The following CDH4 variants were observed in gnomAD, a reference collection of about 807,000 sequenced individuals.
CDH4 encodes the protein cadherin 4.
CDH4 carries 33 observed loss-of-function variants against 86.0 expected under a neutral mutation model. The observed-to-expected ratio is 0.38, with a 90% CI of 0.29 to 0.51. The LOEUF is 0.51. Among genes scored for constraint, CDH4 ranks in the 20% least tolerant of loss-of-function variants. The pLI, the probability that CDH4 is intolerant of heterozygous loss-of-function variation, is 0.86. For synonymous variants in CDH4, 555 were observed against 549.4 expected (o/e 1.01, Z -0.14); for missense variants, 1,114 against 1,307.4 (o/e 0.85, Z 2.28).
intron 2 of CDH4, among the ~76,000 whole-genome samples, chr20:61,725,996 A>G (rs1455176579): frequency 6.6e-6 from 1 of 152,172 alleles, no homozygotes; most frequent in East Asian, 1.9e-4. Context: ...TATCAGCTCC[A>G]ACATCTTTCT....
rs1368420405 is a variant in CDH4 at position 61,510,967 on chromosome 20, C to T, written c.170-232596C>T. Among the ~76,000 whole-genome samples the T allele has an allele frequency of 1.3e-5, 2 of 151,802 alleles. No homozygotes were observed. The highest frequency in any genetic ancestry group is 2.4e-5 in the African/African-American group (1 of 41,312). ...TGAGAGAGAGAGAGAAAGTTGGGGG[C>T]GGCTGTCTCACACTTTTTAATAACC... On this transcript the variant is annotated intron_variant, in intron 2 of 15. Transcript: ENST00000614565. The surrounding 1 kb of genome is among the most constrained non-coding windows in gnomAD (Gnocchi z 4.2).
At chr20:61,822,904 C>T (rs961850062) in intron 4 of CDH4, among the ~76,000 whole-genome samples, 29 of 151,596 alleles carry the variant, frequency 1.9e-4, no homozygotes, top group African/African-American at 6.8e-4. Flanking sequence ...GTCGAAGATC[C>T]CAGGTAACCC....
At chr20:61,460,862 A>G (rs905758787) in intron 2 of CDH4, among the ~76,000 whole-genome samples, 1 of 152,012 alleles carries the variant, frequency 6.6e-6, no homozygotes, top group African/African-American at 2.4e-5. Context: ...CTGTTCTGTG[A>G]TTGTTGCTGT....
At chr20:61,780,565 G>A (rs575383408) in intron 4 of CDH4, among the ~76,000 whole-genome samples, 3 of 152,230 alleles carry the variant, frequency 2.0e-5, no homozygotes, top group Non-Finnish European at 4.4e-5. Context: ...TGGTCATTAG[G>A]AAGATTGTTA....
At chr20:61,336,587 T>G (rs1169984333) in intron 2 of CDH4, among the ~76,000 whole-genome samples, 2 of 152,202 alleles carry the variant, frequency 1.3e-5, no homozygotes. Flanking sequence ...CAAGCCTGTG[T>G]GCAGAGCAGG....
intron 9 of CDH4, among the ~76,000 whole-genome samples, chr20:61,912,221 A>C (rs1413804710): frequency 6.6e-6 from 1 of 152,188 alleles, no homozygotes; most frequent in African/African-American, 2.4e-5. Flanking sequence ...GTTTAGTCAC[A>C]TGGCCATTCT....
intron 2 of CDH4, among the ~76,000 whole-genome samples, chr20:61,346,933 C>G (rs1018810957): frequency 1.4e-4 from 21 of 152,044 alleles, no homozygotes; most frequent in Admixed American, 1.2e-3. Flanking sequence ...CCCACATTCC[C>G]AGGCAGTTCT....
chr20:61,370,040 C>T (rs2084831639), intron 2 of CDH4: 1 of 152,436 alleles, frequency 6.6e-6, no homozygotes, highest in African/African-American at 2.4e-5. Flanking sequence ...GGGAAGGTTT[C>T]TGAGCCATGC....
chr20:61,470,877 G>A (rs2085498217), intron 2 of CDH4, among the ~76,000 whole-genome samples: 3 of 152,146 alleles, frequency 2.0e-5, no homozygotes, highest in Admixed American at 6.5e-5. Context: ...CGCATCCCTG[G>A]GATAAATACC....
chr20:61,850,356 G>T (rs150219104), intron 5 of CDH4, among the ~76,000 whole-genome samples: 1 of 152,206 alleles, frequency 6.6e-6, no homozygotes, highest in South Asian at 2.1e-4. Context: ...GTTGGCTGCC[G>T]ATGTCACTGA....
intron 4 of CDH4, among the ~76,000 whole-genome samples, chr20:61,801,075 GC>G (rs1474908261): frequency 1.3e-5 from 2 of 152,308 alleles, no homozygotes; most frequent in East Asian, 3.9e-4. Context: ...TTCGGTGGGG[GC>G]TTGAGAAACC....
rs554275954 is a variant in CDH4 at position 61,403,890 on chromosome 20, C to T, written c.169+148953C>T. ...TACAGGGAGAAAATGTCTGGCAGGACGCTGTGTTTCAGGAAAAAGTCTGCA... is the reference window on the plus strand; with the variant it reads ...TACAGGGAGAAAATGTCTGGCAGGATGCTGTGTTTCAGGAAAAAGTCTGCA... On this transcript the variant is annotated intron_variant, in intron 2 of 15. Coordinates refer to ENST00000614565, the MANE Select transcript of CDH4 (RefSeq NM_001794.5). 1.8e-4 allele frequency among the ~76,000 whole-genome samples: 27 copies of T among 152,280 alleles called. No homozygotes were observed. In the South Asian group the frequency reaches 4.2e-3, roughly 23 times the overall value.
Position 61,269,982 on chromosome 20 carries a change from ATTT to A in CDH4, c.169+15048_169+15050del, listed in dbSNP as rs1361498404. Among the ~76,000 whole-genome samples the A allele has an allele frequency of 6.6e-6, 1 of 152,108 alleles. No individual in the cohort carries two copies. The highest frequency in any genetic ancestry group is 2.4e-5 in the African/African-American group (1 of 41,412). ...GGGCCGGCCGACCTTTGCGGCAGTC[ATTT>A]TTCCATCAGAAGGTGGCTTGATTTG... On this transcript the variant is annotated intron_variant, in intron 2 of 15. Coordinates refer to ENST00000614565, the MANE Select transcript of CDH4 (RefSeq NM_001794.5). The surrounding 1 kb of genome is among the most constrained non-coding windows in gnomAD (Gnocchi z 5.3).
chr20:61,721,914 A>G (rs2088046689), intron 2 of CDH4, among the ~76,000 whole-genome samples: 1 of 152,130 alleles, frequency 6.6e-6, no homozygotes, highest in Non-Finnish European at 1.5e-5. Context: ...TCCATGGCCC[A>G]CACTCTCCAT....
At position 61,408,705 on chromosome 20, in the gene CDH4, G is replaced by T. The variant is rs1437959220; in HGVS notation, c.169+153768G>T. On this transcript the variant is annotated intron_variant, in intron 2 of 15. Coordinates refer to ENST00000614565, the MANE Select transcript of CDH4 (RefSeq NM_001794.5). ...CACCTGTGTTTTAGAGCCCCTTCCT[G>T]GTTCCATTTCATTTTGCATACAACA... Among the ~76,000 whole-genome samples, 4 of 136,878 alleles carry T rather than the reference G, an allele frequency of 2.9e-5. No individual in the cohort carries two copies. The Admixed American group carries it at 3.0e-4, about 10-fold the overall frequency. 89.8% of individuals were successfully genotyped at this position (136,878 alleles called of 152,430 possible).
At chr20:61,253,745 C>T (rs2084079743) in intron 1 of CDH4, among the ~76,000 whole-genome samples, 1 of 152,102 alleles carries the variant, frequency 6.6e-6, no homozygotes, top group African/African-American at 2.4e-5. Context: ...AGAGGGGCGC[C>T]CTCCGCGGTG....
At chr20:61,704,489 G>A (rs983138639) in intron 2 of CDH4, among the ~76,000 whole-genome samples, 6 of 152,152 alleles carry the variant, frequency 3.9e-5, no homozygotes, top group African/African-American at 1.2e-4. Context: ...GGCTGGCGCC[G>A]CCTTCTGAGA....
At chr20:61,485,638 G>A (rs1157758748) in intron 2 of CDH4, among the ~76,000 whole-genome samples, 2 of 152,232 alleles carry the variant, frequency 1.3e-5, no homozygotes, top group African/African-American at 4.8e-5. Context: ...CAGCCTCAGT[G>A]AAGCTGGTTC....
At chr20:61,705,242 G>A (rs1376546454) in intron 2 of CDH4, among the ~76,000 whole-genome samples, 1 of 152,172 alleles carries the variant, frequency 6.6e-6, no homozygotes, top group Non-Finnish European at 1.5e-5. Context: ...ACCCCAGGTG[G>A]GGCTGTTTTA....
Sources: gnomAD v4.1 joint callset for allele counts (sites outside exome capture counted in the v4.1 genomes callset) on GRCh38, gnomAD v4.1.1 for gene constraint, Gnocchi (gnomAD v3.1) non-coding constraint, MANE v1.5 for transcripts, NCBI Gene and HGNC (gene_info 2026-07-23, HGNC 2026-07-21) for gene names.